DYM: variants seen among roughly 807,000 people sequenced by gnomAD.
The protein encoded by DYM is dyggve-Melchior-Clausen syndrome protein.
DYM carries 78 observed loss-of-function variants against 93.1 expected under a neutral mutation model. That is an observed-to-expected ratio of 0.84 (90% CI 0.70 to 1.01). The LOEUF (loss-of-function observed/expected upper bound fraction) is 1.01. DYM is among the 50% of genes least tolerant of loss of function. The probability of loss-of-function intolerance (pLI) is 0.00; values close to 1 mark genes in which losing one functional copy is unlikely to be tolerated. For synonymous variants in DYM, 321 were observed against 319.7 expected, an observed-to-expected ratio of 1.00 and a Z score of -0.04; for missense variants, 789 against 845.0, an observed-to-expected ratio of 0.93 and a Z score of 0.82.
rs531698661 is a variant in DYM at position 49,395,416 on chromosome 18, C to T, written c.141-3771G>A. On this transcript the variant is annotated intron_variant, in intron 2 of 17. Transcript: ENST00000675505. ...AGGCTGAGGCAGGAGGATCACCTGA[C>T]GTTGGGAGTTCAAGACCAGCCTGAC... Among the ~76,000 whole-genome samples, 6 of 152,016 alleles carry T rather than the reference C, an allele frequency of 3.9e-5. No homozygotes were observed. In the East Asian group the frequency reaches 7.7e-4, roughly 20 times the overall value.
chr18:49,229,231 G>A (rs1257827860), intron 13 of DYM, among the ~76,000 whole-genome samples: 2 of 151,886 alleles, frequency 1.3e-5, no homozygotes, highest in Non-Finnish European at 2.9e-5. Flanking sequence ...AGAGGTATAA[G>A]AACAGGGACA....
intron 8 of DYM, among the ~76,000 whole-genome samples, chr18:49,291,085 T>C (rs897236437): frequency 1.3e-5 from 2 of 152,162 alleles, no homozygotes; most frequent in Admixed American, 6.6e-5. Flanking sequence ...ACCATGGCAA[T>C]AGATGTGATA....
At position 49,232,541 on chromosome 18, in the gene DYM, G is replaced by C. The variant is rs577033841; in HGVS notation, c.1461-22826C>G. ...GATGGTTTCAATCTCCTGACCTCGTGATCTGCTCGCCTCGGCCTCCAAAGT... is the reference window on the plus strand; with the variant it reads ...GATGGTTTCAATCTCCTGACCTCGTCATCTGCTCGCCTCGGCCTCCAAAGT... On this transcript the variant is annotated intron_variant, in intron 13 of 17. Transcript: ENST00000675505. Among the ~76,000 whole-genome samples, 9 of 148,986 alleles carry C rather than the reference G, an allele frequency of 6.0e-5. No homozygotes were observed. In the South Asian group the frequency reaches 1.7e-3, roughly 28 times the overall value.
intron 8 of DYM, among the ~76,000 whole-genome samples, chr18:49,308,885 T>A (rs749759654): frequency 6.6e-6 from 1 of 152,132 alleles, no homozygotes; most frequent in Non-Finnish European, 1.5e-5. Flanking sequence ...TTATCTGGAA[T>A]GGCAAAATAC....
At chr18:49,165,136 C>T (rs548943227) in intron 14 of DYM, among the ~76,000 whole-genome samples, 137 of 152,022 alleles carry the variant, frequency 9.0e-4, no homozygotes, top group Non-Finnish European at 1.5e-3. Context: ...TGTTAATTTC[C>T]GACAAAGTAG....
intron 13 of DYM, among the ~76,000 whole-genome samples, chr18:49,254,281 C>CATATATATATAT (rs3084549): frequency 6.6e-4 from 90 of 136,460 alleles, no homozygotes; most frequent in East Asian, 3.0e-3. Flanking sequence ...ATCCTTGTAT[C>CATATATATATAT]ATATATATAT....
At chr18:49,442,066 A>T (rs1001705179) in intron 1 of DYM, among the ~76,000 whole-genome samples, 4 of 152,192 alleles carry the variant, frequency 2.6e-5, no homozygotes, top group South Asian at 2.1e-4. Context: ...GAAAAGATAC[A>T]GAAATTTAGG....
chr18:49,450,492 A>G (rs2082434038), intron 1 of DYM, among the ~76,000 whole-genome samples: 1 of 152,232 alleles, frequency 6.6e-6, no homozygotes, highest in Non-Finnish European at 1.5e-5. Flanking sequence ...ATTCTATTTC[A>G]TAACATCAAG....
rs1170511503 is a variant in DYM at position 49,370,295 on chromosome 18, A to AC, written c.422-7063_422-7062insG. ...CTCCATCTCAGAAAAAAAAAAAAAA[A>AC]AAAACAAAACAGGACTAACTCCCTC... is the stretch of plus-strand genomic sequence containing the variant. On this transcript the variant is annotated intron_variant, in intron 5 of 17. Coordinates refer to ENST00000675505, the MANE Select transcript of DYM (RefSeq NM_001353214.3). Among the ~76,000 whole-genome samples the AC allele has an allele frequency of 3.8e-3, 559 of 146,636 alleles. 2 individuals carry two copies. The highest frequency in any genetic ancestry group is 8.8e-3 in the South Asian group (41 of 4,650).
At chr18:49,303,445 A>T (rs1056796573) in intron 8 of DYM, among the ~76,000 whole-genome samples, 3 of 152,214 alleles carry the variant, frequency 2.0e-5, no homozygotes, top group Admixed American at 2.0e-4. Context: ...TCTGCTAGGG[A>T]ACTCCAGGAG....
chr18:49,147,415 G>C (rs202038946), intron 15 of DYM, among the ~76,000 whole-genome samples: 5,728 of 151,798 alleles, frequency 0.038, 329 homozygotes, highest in African/African-American at 0.13. Context: ...AGGCAACCTA[G>C]AGAATGGGAG....
At chr18:49,100,780 C>G (rs1390233884) in intron 16 of DYM, among the ~76,000 whole-genome samples, 3 of 152,162 alleles carry the variant, frequency 2.0e-5, no homozygotes, top group African/African-American at 7.2e-5. Context: ...CTCTGTCCTA[C>G]AGAATTGTAA....
At chr18:49,415,022 T>C (rs2072757744) in intron 2 of DYM, among the ~76,000 whole-genome samples, 1 of 151,930 alleles carries the variant, frequency 6.6e-6, no homozygotes, top group African/African-American at 2.4e-5. Flanking sequence ...TTTCTTTCTG[T>C]CTCCCAGGCT....
intron 3 of DYM, chr18:49,391,320 A>G (rs1599863861): frequency 2.6e-6 from 1 of 390,816 alleles, no homozygotes; most frequent in South Asian, 2.7e-5. Context: ...CATTATTTTC[A>G]GTATTTCAAA....
chr18:49,349,563 G>T (rs72912525), intron 6 of DYM, among the ~76,000 whole-genome samples: 1 of 152,044 alleles, frequency 6.6e-6, no homozygotes, highest in Non-Finnish European at 1.5e-5. Context: ...AGAACTCTCC[G>T]GAACTAAAAA....
chr18:49,181,593 CCTTT>C (rs2089933039), intron 14 of DYM, among the ~76,000 whole-genome samples: 2 of 152,116 alleles, frequency 1.3e-5, no homozygotes. Flanking sequence ...GTGAATGTTT[CCTTT>C]GAGTATTATG....
rs72642456 is a variant in DYM at position 49,356,469 on chromosome 18, C to T, written c.494+6692G>A. On this transcript the variant is annotated intron_variant, in intron 6 of 17. Coordinates refer to ENST00000675505, the MANE Select transcript of DYM (RefSeq NM_001353214.3). ...AAAGCTATACTGGATGTTTGCCTTG[C>T]AACACCTAAAACTTAAAATACTGAC... Among the ~76,000 whole-genome samples the T allele has an allele frequency of 1.8e-4, 28 of 152,260 alleles. No individual in the cohort carries two copies. The East Asian group carries it at 5.4e-3, about 29-fold the overall frequency.
intron 6 of DYM, among the ~76,000 whole-genome samples, chr18:49,346,106 C>T (rs1305966363): frequency 6.6e-6 from 1 of 152,134 alleles, no homozygotes; most frequent in Non-Finnish European, 1.5e-5. Context: ...GTTACCATAT[C>T]ACTTAGCAAT....
intron 2 of DYM, 102 bp downstream of exon 2, chr18:49,430,140 TGACAGATAGACTA>T (rs1326493580): frequency 8.8e-6 from 9 of 1,026,210 alleles, no homozygotes; most frequent in African/African-American, 1.6e-5. Context: ...GATCTATGTA[TGACAGATAGACTA>T]GATAGATAGA....
Sources: gnomAD v4.1 joint callset for allele counts (sites outside exome capture counted in the v4.1 genomes callset) on GRCh38, gnomAD v4.1.1 for gene constraint, MANE v1.5 for transcripts, NCBI Gene and HGNC (gene_info 2026-07-23, HGNC 2026-07-21) for gene names.